Variants in HS3ST3A1 observed in about 807,000 individuals in gnomAD.
The protein encoded by HS3ST3A1 is heparan sulfate glucosamine 3-O-sulfotransferase 3A1.
In HS3ST3A1, 19 loss-of-function variants were observed where a neutral mutation model predicts 25.7. That is an observed-to-expected ratio of 0.74 (90% confidence interval 0.52 to 1.08). HS3ST3A1 has a LOEUF of 1.08. Ranked by LOEUF, HS3ST3A1 falls within the 50% of genes least tolerant of loss-of-function variation. HS3ST3A1 has a pLI of 0.00. For missense variants in HS3ST3A1, 459 were observed against 594.3 expected, an observed-to-expected ratio of 0.77 and a Z score of 2.37; for synonymous variants, 226 against 278.6, an observed-to-expected ratio of 0.81 and a Z score of 1.88.
intron 1 of HS3ST3A1, among the ~76,000 whole-genome samples, chr17:13,502,025 G>A (rs1905493785): frequency 6.6e-6 from 1 of 152,122 alleles, no homozygotes; most frequent in African/African-American, 2.4e-5. Context: ...GGGTGCAGTT[G>A]TGCCAGGAAG....
intron 1 of HS3ST3A1, among the ~76,000 whole-genome samples, chr17:13,529,502 G>A (rs1598415594): frequency 6.6e-6 from 1 of 152,104 alleles, no homozygotes; most frequent in Non-Finnish European, 1.5e-5. Flanking sequence ...AGAGTCCTGT[G>A]GGTTTTTCAT....
chr17:13,595,671 T>C (rs11871419), intron 1 of HS3ST3A1, among the ~76,000 whole-genome samples: 19,642 of 152,172 alleles, frequency 0.13, 2,658 homozygotes, highest in African/African-American at 0.34. Context: ...AGGAAACCCA[T>C]ACCAAGAAAC....
chr17:13,600,693 T>A lies in HS3ST3A1; in HGVS notation c.437A>T (p.Asp146Val). ...CTGCGGCAGCTGCTTGCTGCCTTCG[T>A]CCAGGAGCAGCGCCAGGGTCCCCGG... ...APPGTLALLL[D>V]EGSKQLPQAI... Residue 146 changes from aspartate to valine, a missense_variant, in exon 1 of 2, where the codon GAC becomes GTC. By Grantham distance (152) the Asp-to-Val change is radical. Transcript: ENST00000284110. The A allele has an allele frequency of 2.5e-6, 4 of 1,577,586 alleles. No individual in the cohort carries two copies. Among genetic ancestry groups the A allele is most frequent in the Non-Finnish European group, 3.4e-6 (4 of 1,168,892 alleles).
rs750732357 is a variant in HS3ST3A1, at chr17:13,535,681, C to T, written c.600-38863G>A. Among the ~76,000 whole-genome samples the T allele has an allele frequency of 7.2e-5, 11 of 152,020 alleles. 1 individual carries two copies. Among genetic ancestry groups the T allele is most frequent in the Non-Finnish European group, 1.3e-4 (9 of 67,990 alleles). ...GTATAAAAAAAAAGAAATTAAAAAC[C>T]CATGAAAATAGGCCAAATATATTGG... On this transcript the variant is annotated intron_variant, in intron 1 of 1. Coordinates refer to ENST00000284110, the MANE Select transcript of HS3ST3A1 (RefSeq NM_006042.3).
In HS3ST3A1 at chr17:13,568,611, T is replaced by A. The variant is rs538521473; in HGVS notation, c.599+31920A>T. 3.8e-4 allele frequency among the ~76,000 whole-genome samples: 58 copies of A among 152,350 alleles called. 1 individual carries two copies. The South Asian group carries it at 0.012, about 32-fold the overall frequency. The stretch of plus-strand genomic sequence containing the variant: ...TTAATTTGAAACAAGCATGTAAGTA[T>A]CTTTCAGAGTGTTATGATTTTGAGG... On this transcript the variant is annotated intron_variant, in intron 1 of 1. Coordinates refer to ENST00000284110, the MANE Select transcript of HS3ST3A1 (RefSeq NM_006042.3).
In HS3ST3A1 at chr17:13,551,864, A is replaced by G. The variant is rs533285928; in HGVS notation, c.599+48667T>C. On this transcript the variant is annotated intron_variant, in intron 1 of 1. Transcript: ENST00000284110. ...CTCTTCCTCTTGTATGTTTTTTCTT[A>G]TATAATTTAACTTGAGGATTACTAG... is the stretch of plus-strand genomic sequence containing the variant. 3.3e-5 allele frequency among the ~76,000 whole-genome samples: 5 copies of G among 152,078 alleles called. No homozygotes were observed. The South Asian group carries it at 1.0e-3, about 32-fold the overall frequency.
At chr17:13,537,481 A>T (rs145748371) in intron 1 of HS3ST3A1, among the ~76,000 whole-genome samples, 1 of 152,120 alleles carries the variant, frequency 6.6e-6, no homozygotes, top group Admixed American at 6.5e-5. Context: ...ACTTTGCACA[A>T]AGGTGAATAA....
intron 1 of HS3ST3A1, among the ~76,000 whole-genome samples, chr17:13,540,520 C>T (rs1478888164): frequency 2.6e-5 from 4 of 152,088 alleles, no homozygotes; most frequent in Admixed American, 2.6e-4. Context: ...TACCTTTTTC[C>T]AGTAGTTTAA....
In HS3ST3A1 at chr17:13,510,832, G is replaced by A. The variant is rs986221131; in HGVS notation, c.600-14014C>T. Among the ~76,000 whole-genome samples, 9 of 152,014 alleles carry A rather than the reference G, an allele frequency of 5.9e-5. No homozygotes were observed. In the South Asian group the frequency reaches 6.2e-4, roughly 11 times the overall value. On this transcript the variant is annotated intron_variant, in intron 1 of 1. Transcript: ENST00000284110. Reference sequence around the variant, plus strand: ...TGAGTCTCCTGCCTCAGCCTCCCGCGTAGCTGGGATTACAGGCACCCACCA... The same window carrying A: ...TGAGTCTCCTGCCTCAGCCTCCCGCATAGCTGGGATTACAGGCACCCACCA...
At chr17:13,540,502 A>G (rs540943157) in intron 1 of HS3ST3A1, among the ~76,000 whole-genome samples, 1 of 152,344 alleles carries the variant, frequency 6.6e-6, no homozygotes, top group South Asian at 2.1e-4. Context: ...TGCTCAATTG[A>G]TAAAATGTAC....
intron 1 of HS3ST3A1, among the ~76,000 whole-genome samples, chr17:13,518,309 T>C (rs529298642): frequency 9.8e-5 from 15 of 152,336 alleles, no homozygotes; most frequent in Admixed American, 2.6e-4. Context: ...ATTCATACAA[T>C]GTAACATTTC....
intron 1 of HS3ST3A1, among the ~76,000 whole-genome samples, chr17:13,556,578 T>G (rs8080787): frequency 0.87 from 131,735 of 151,518 alleles, 57,487 homozygotes; most frequent in African/African-American, 0.95. Flanking sequence ...GTGAGGCCGG[T>G]CATGGTGGCT....
intron 1 of HS3ST3A1, among the ~76,000 whole-genome samples, chr17:13,565,629 G>A (rs749330416): frequency 2.0e-5 from 3 of 152,198 alleles, no homozygotes; most frequent in Non-Finnish European, 4.4e-5. Context: ...TGGTAAAACT[G>A]CTGTTAATCC....
chr17:13,522,367 T>C (rs990536597), intron 1 of HS3ST3A1, among the ~76,000 whole-genome samples: 3 of 152,252 alleles, frequency 2.0e-5, no homozygotes, highest in Admixed American at 6.5e-5. Flanking sequence ...TTGTATTGTA[T>C]GCTTTTGTTT....
chr17:13,574,660 G>C (rs898801899), intron 1 of HS3ST3A1, among the ~76,000 whole-genome samples: 1 of 151,898 alleles, frequency 6.6e-6, no homozygotes, highest in African/African-American at 2.4e-5. Flanking sequence ...GGAGCCTGCA[G>C]TGAGCTGAGA....
At chr17:13,593,248 A>AAAAAAAGTC (rs1829492698) in intron 1 of HS3ST3A1, among the ~76,000 whole-genome samples, 1 of 150,912 alleles carries the variant, frequency 6.6e-6, no homozygotes, top group South Asian at 2.1e-4. Flanking sequence ...AAAAAAAAAA[A>AAAAAAAGTC]AAAAAGTCAT....
chr17:13,562,941 C>A (rs1432647875), intron 1 of HS3ST3A1, among the ~76,000 whole-genome samples: 1 of 151,956 alleles, frequency 6.6e-6, no homozygotes, highest in African/African-American at 2.4e-5. Context: ...TGTGTCAGGA[C>A]CCGATACAGA....
intron 1 of HS3ST3A1, among the ~76,000 whole-genome samples, chr17:13,547,264 C>T (rs994329845): frequency 5.3e-5 from 8 of 151,998 alleles, no homozygotes; most frequent in African/African-American, 1.9e-4. Flanking sequence ...GCTCCTAAAG[C>T]CCTTGGAATT....
intron 1 of HS3ST3A1, among the ~76,000 whole-genome samples, chr17:13,528,044 C>G (rs1046098164): frequency 1.3e-5 from 2 of 152,124 alleles, no homozygotes; most frequent in Non-Finnish European, 2.9e-5. Context: ...TACATGTATA[C>G]TGATCCGTGT....
Sources: gnomAD v4.1 joint callset for allele counts (sites outside exome capture counted in the v4.1 genomes callset) on GRCh38, gnomAD v4.1.1 for gene constraint, MANE v1.5 for transcripts, NCBI Gene and HGNC (gene_info 2026-07-23, HGNC 2026-07-21) for gene names.